LINGO2: variants seen among roughly 807,000 people sequenced by gnomAD.
LINGO2 encodes the protein leucine-rich repeat and immunoglobulin-like domain-containing nogo receptor-interacting protein 2.
A neutral mutation model predicts 30.6 loss-of-function variants in LINGO2; 14 were observed. The observed-to-expected ratio is 0.46, with a 90% CI of 0.30 to 0.72. LINGO2 has a LOEUF of 0.72. Ranked by LOEUF, LINGO2 falls within the 30% of genes least tolerant of loss-of-function variation. The pLI is 0.07. For synonymous variants in LINGO2, 317 were observed against 288.5 expected (o/e 1.10, Z -1.00); for missense variants, 729 against 751.7 (o/e 0.97, Z 0.35).
intron 4 of LINGO2, among the ~76,000 whole-genome samples, chr9:28,190,766 C>T (rs1371689780): frequency 1.3e-5 from 2 of 152,118 alleles, no homozygotes; most frequent in Admixed American, 6.6e-5. Flanking sequence ...TCTGCAGGTA[C>T]AAAGGTAGCT....
At chr9:27,993,823 A>G (rs1330817068) in intron 5 of LINGO2, among the ~76,000 whole-genome samples, 1 of 152,110 alleles carries the variant, frequency 6.6e-6, no homozygotes, top group African/African-American at 2.4e-5. Flanking sequence ...CCGACACAGA[A>G]CATTTTATCC....
intron 2 of LINGO2, among the ~76,000 whole-genome samples, chr9:28,422,549 T>C (rs995197701): frequency 7.2e-5 from 11 of 152,008 alleles, no homozygotes; most frequent in African/African-American, 2.4e-4. Context: ...TGTAGATGAA[T>C]TGAAAGGTTT....
chr9:28,755,318 C>T, the LINGO2 span, among the ~76,000 whole-genome samples: 2 of 152,014 alleles, frequency 1.3e-5, no homozygotes, highest in African/African-American at 4.8e-5. Context: ...ACAAACTGAG[C>T]CAAAGCTTTT....
At chr9:28,421,111 A>C (rs1258030010) in intron 2 of LINGO2, among the ~76,000 whole-genome samples, 1 of 151,884 alleles carries the variant, frequency 6.6e-6, no homozygotes, top group Non-Finnish European at 1.5e-5. Context: ...ACAAAGAAAC[A>C]AAAAAAATTC....
chr9:28,308,783 A>G (rs1052434465), intron 3 of LINGO2, among the ~76,000 whole-genome samples: 6 of 152,062 alleles, frequency 3.9e-5, no homozygotes, highest in Non-Finnish European at 5.9e-5. Flanking sequence ...ACATGAACAG[A>G]CTCTTCTCAA....
chr9:28,438,827 C>CATATATATATATATATATACATAT (rs1824059586), intron 2 of LINGO2, among the ~76,000 whole-genome samples: 1 of 130,816 alleles, frequency 7.6e-6, no homozygotes, highest in African/African-American at 2.8e-5. Flanking sequence ...AAAATATATA[C>CATATATATATATATATATACATAT]ATATATATAT....
intron 1 of LINGO2, among the ~76,000 whole-genome samples, chr9:28,577,917 T>A (rs1475253945): frequency 1.3e-5 from 2 of 152,084 alleles, no homozygotes; most frequent in African/African-American, 4.8e-5. Flanking sequence ...AAATGGAAGC[T>A]TTTTCTGAAT....
At chr9:28,739,658 A>C in the LINGO2 span, among the ~76,000 whole-genome samples, 1 of 151,818 alleles carries the variant, frequency 6.6e-6, no homozygotes, top group Non-Finnish European at 1.5e-5. Context: ...TGTCAGTATA[A>C]AATGAATACT....
the LINGO2 span, among the ~76,000 whole-genome samples, chr9:28,848,392 T>TATATATATATAC: frequency 5.6e-5 from 3 of 53,652 alleles, no homozygotes; most frequent in African/African-American, 1.6e-4. Context: ...TGTGTGTGTG[T>TATATATATATAC]GTGTGTATAT....
At chr9:28,494,714 A>G (rs975264492) in intron 1 of LINGO2, among the ~76,000 whole-genome samples, 4 of 152,192 alleles carry the variant, frequency 2.6e-5, no homozygotes, top group African/African-American at 9.6e-5. Context: ...ATGATTTATA[A>G]TCCTTTGGGT....
At chr9:28,684,480 C>A in the LINGO2 span, among the ~76,000 whole-genome samples, 2 of 149,674 alleles carry the variant, frequency 1.3e-5, no homozygotes, top group Non-Finnish European at 3.0e-5. Context: ...TGAGCCACCG[C>A]GCCCAGCCTT....
At chr9:28,785,673 A>AACACACACACACAC in the LINGO2 span, among the ~76,000 whole-genome samples, 2 of 75,922 alleles carry the variant, frequency 2.6e-5, no homozygotes, top group African/African-American at 7.8e-5. Flanking sequence ...TCTCTCCACA[A>AACACACACACACAC]ACACACACAC....
chr9:28,630,120 G>A (rs575686524), intron 1 of LINGO2, among the ~76,000 whole-genome samples: 2 of 152,154 alleles, frequency 1.3e-5, no homozygotes, highest in East Asian at 3.9e-4. Context: ...TAGATGACGA[G>A]TTAGTGGGTG....
chr9:28,658,452 C>A (rs1445852212), intron 1 of LINGO2, among the ~76,000 whole-genome samples: 1 of 151,994 alleles, frequency 6.6e-6, no homozygotes, highest in Non-Finnish European at 1.5e-5. Context: ...ATAATTATTA[C>A]ATCTTCTTGG....
intron 3 of LINGO2, among the ~76,000 whole-genome samples, chr9:28,356,474 C>T (rs1262482032): frequency 2.0e-5 from 3 of 152,094 alleles, no homozygotes; most frequent in Non-Finnish European, 4.4e-5. Flanking sequence ...CTCTGTTGGT[C>T]AGTAGCAGCA....
At chr9:28,182,243 G>T (rs1246694328) in intron 4 of LINGO2, among the ~76,000 whole-genome samples, 2 of 152,072 alleles carry the variant, frequency 1.3e-5, no homozygotes, top group Non-Finnish European at 2.9e-5. Flanking sequence ...AATGGTGCTG[G>T]GAAAACTGAC....
chr9:28,098,109 A>C (rs1005141215), intron 4 of LINGO2, among the ~76,000 whole-genome samples: 5 of 152,158 alleles, frequency 3.3e-5, no homozygotes, highest in Non-Finnish European at 5.9e-5. Context: ...ATTTGAGACT[A>C]GTCTGACCAA....
intron 1 of LINGO2, among the ~76,000 whole-genome samples, chr9:28,543,285 A>G (rs1443548737): frequency 1.3e-5 from 2 of 152,106 alleles, no homozygotes; most frequent in Non-Finnish European, 2.9e-5. Context: ...AAATTCTCAT[A>G]AATTTCCTTT....
chr9:28,361,006 T>C (rs965487646), intron 3 of LINGO2, among the ~76,000 whole-genome samples: 1 of 152,196 alleles, frequency 6.6e-6, no homozygotes, highest in African/African-American at 2.4e-5. Context: ...AAATATTAAA[T>C]GGAAAAATCC....
Sources: gnomAD v4.1 joint callset for allele counts (sites outside exome capture counted in the v4.1 genomes callset) on GRCh38, gnomAD v4.1.1 for gene constraint, MANE v1.5 for transcripts, NCBI Gene and HGNC (gene_info 2026-07-23, HGNC 2026-07-21) for gene names.